The following MCTP2 variants were observed in gnomAD, a reference collection of about 807,000 sequenced individuals.
MCTP2 encodes multiple C2 and transmembrane domain containing 2, also known as multiple C2 and transmembrane domain-containing protein 2.
In MCTP2, 132 loss-of-function variants were observed where a neutral mutation model predicts 111.6. The ratio of observed to expected loss-of-function variants is 1.18; its 90% confidence interval spans 1.03 to 1.37. MCTP2 has a LOEUF of 1.37. MCTP2 is among the 40% of genes most tolerant of loss of function. The probability of loss-of-function intolerance (pLI) is 0.00; values close to 1 mark genes in which losing one functional copy is unlikely to be tolerated. For missense variants in MCTP2, 1,183 were observed against 1,067.9 expected (o/e 1.11, Z -1.50); for synonymous variants, 395 against 387.7 (o/e 1.02, Z -0.22).
At chr15:94,293,197 A>C (rs936260369) in intron 1 of MCTP2, among the ~76,000 whole-genome samples, 3 of 152,156 alleles carry the variant, frequency 2.0e-5, no homozygotes, top group African/African-American at 7.2e-5. Flanking sequence ...AAAATTTTAA[A>C]AAATGGCTTG....
Position 94,399,952 on chromosome 15 carries a change from G to T in MCTP2, c.1922G>T (p.Arg641Leu). ...VKASIRTFTP[R>L]EKRFVEDSRK... Reference sequence around the variant, plus strand: ...GCAAGTATTAGGACTTTTACTCCCCGGGAAAAGCGCTTTGTTGAAGACAGC... The same window carrying T: ...GCAAGTATTAGGACTTTTACTCCCCTGGAAAAGCGCTTTGTTGAAGACAGC... Residue 641 changes from arginine (R) to leucine (L), a missense_variant, in exon 16 of 23, where the codon CGG (arginine) becomes CTG (leucine). By Grantham distance (102) the Arg-to-Leu change is moderately radical (BLOSUM62 -2). Transcript: ENST00000357742. The T allele has an allele frequency of 6.2e-7, 1 of 1,613,892 alleles. No homozygotes were observed. Among genetic ancestry groups the T allele is most frequent in the Non-Finnish European group, 8.5e-7 (1 of 1,179,876 alleles).
intron 12 of MCTP2, among the ~76,000 whole-genome samples, chr15:94,382,983 GT>G (rs1487614815): frequency 6.6e-6 from 1 of 152,226 alleles, no homozygotes; most frequent in Non-Finnish European, 1.5e-5. Context: ...AATTTCTTAG[GT>G]TTTTTGGTGT....
intron 1 of MCTP2, among the ~76,000 whole-genome samples, chr15:94,243,654 C>T (rs2071327090): frequency 6.8e-6 from 1 of 147,022 alleles, no homozygotes. Flanking sequence ...TATATGTATA[C>T]ACATATGCGT....
intron 1 of MCTP2, among the ~76,000 whole-genome samples, chr15:94,293,157 C>T (rs187438937): frequency 2.0e-5 from 3 of 152,184 alleles, no homozygotes; most frequent in African/African-American, 7.2e-5. Flanking sequence ...ACAAGGAGTT[C>T]TTACACATGA....
intron 1 of MCTP2, among the ~76,000 whole-genome samples, chr15:94,252,631 G>T (rs1376168238): frequency 6.7e-6 from 1 of 148,906 alleles, no homozygotes; most frequent in African/African-American, 2.5e-5. Flanking sequence ...CTGGTTTACA[G>T]ATTTTTTTTT....
chr15:94,412,790 T>A (rs1181413307), intron 17 of MCTP2, among the ~76,000 whole-genome samples: 1 of 152,106 alleles, frequency 6.6e-6, no homozygotes, highest in Non-Finnish European at 1.5e-5. Context: ...GCAGTTTTCC[T>A]TGGAAATCAC....
At chr15:94,362,029 C>T (rs1260227609) in intron 10 of MCTP2, among the ~76,000 whole-genome samples, 1 of 152,136 alleles carries the variant, frequency 6.6e-6, no homozygotes, top group Non-Finnish European at 1.5e-5. Context: ...GCAGATTCCC[C>T]CTGAGCCACA....
At chr15:94,245,158 A>G (rs2071719731) in intron 1 of MCTP2, among the ~76,000 whole-genome samples, 1 of 148,000 alleles carries the variant, frequency 6.8e-6, no homozygotes. Flanking sequence ...ACATGTTTGT[A>G]TATTTATACA....
At chr15:94,308,564 AT>A (rs1432987283) in intron 2 of MCTP2, among the ~76,000 whole-genome samples, 3 of 152,214 alleles carry the variant, frequency 2.0e-5, no homozygotes, top group Non-Finnish European at 2.9e-5. Flanking sequence ...AGGAGCATAA[AT>A]TTTACATTAG....
intron 1 of MCTP2, among the ~76,000 whole-genome samples, chr15:94,287,989 G>A (rs892831089): frequency 2.6e-5 from 4 of 152,148 alleles, no homozygotes; most frequent in East Asian, 3.8e-4. Context: ...GTCATGCCCC[G>A]GCTCCCCAAC....
intron 17 of MCTP2, among the ~76,000 whole-genome samples, chr15:94,423,207 A>T (rs970971897): frequency 6.6e-6 from 1 of 152,150 alleles, no homozygotes; most frequent in Admixed American, 6.6e-5. Flanking sequence ...GTAACCACTT[A>T]TCCAATTTAT....
intron 2 of MCTP2, among the ~76,000 whole-genome samples, chr15:94,310,447 C>A (rs543721684): frequency 1.3e-5 from 2 of 152,158 alleles, no homozygotes; most frequent in South Asian, 2.1e-4. Context: ...GCAGTGTACA[C>A]ATGGAAAATG....
chr15:94,299,841 A>G (rs1472119688), intron 2 of MCTP2, among the ~76,000 whole-genome samples: 2 of 152,194 alleles, frequency 1.3e-5, no homozygotes, highest in African/African-American at 2.4e-5. Flanking sequence ...GGGATCATGG[A>G]TGTTTGGAGG....
chr15:94,307,244 T>C (rs79488529), intron 2 of MCTP2, among the ~76,000 whole-genome samples: 357 of 152,144 alleles, frequency 2.3e-3, no homozygotes, highest in African/African-American at 8.3e-3. Flanking sequence ...TAAAGTGTCA[T>C]GGAGAGAAAG....
intron 21 of MCTP2, among the ~76,000 whole-genome samples, chr15:94,476,164 C>T (rs918996699): frequency 1.3e-5 from 2 of 152,120 alleles, no homozygotes; most frequent in African/African-American, 4.8e-5. Context: ...CTGCGGTTTT[C>T]TTTGTAACAA....
intron 4 of MCTP2, among the ~76,000 whole-genome samples, chr15:94,329,291 AT>A (rs2077030690): frequency 6.6e-6 from 1 of 152,064 alleles, no homozygotes; most frequent in South Asian, 2.1e-4. Flanking sequence ...TTTAAAAAAA[AT>A]TTTTTATTAC....
intron 19 of MCTP2, among the ~76,000 whole-genome samples, chr15:94,446,310 A>C (rs2084114624): frequency 1.3e-5 from 2 of 152,206 alleles, no homozygotes; most frequent in Non-Finnish European, 2.9e-5. Flanking sequence ...GCTTGTTACA[A>C]GTCTAGTTTT....
chr15:94,455,703 G>A (rs747921655), intron 19 of MCTP2, among the ~76,000 whole-genome samples: 2 of 152,166 alleles, frequency 1.3e-5, no homozygotes, highest in African/African-American at 2.4e-5. Context: ...GGGCTTACAG[G>A]CGTGAGCCAC....
At chr15:94,383,510 G>A (rs1043313078) in intron 12 of MCTP2, among the ~76,000 whole-genome samples, 1 of 152,164 alleles carries the variant, frequency 6.6e-6, no homozygotes, top group Non-Finnish European at 1.5e-5. Flanking sequence ...TATAAAAGAG[G>A]GTTAATGGAC....
Sources: allele counts gnomAD v4.1 joint callset (sites outside exome capture counted in the v4.1 genomes callset), GRCh38; gene constraint gnomAD v4.1.1; transcripts MANE v1.5; gene names NCBI Gene and HGNC (gene_info 2026-07-23, HGNC 2026-07-21).